The following GFOD2 variants were observed in gnomAD, a reference collection of about 807,000 sequenced individuals.
The protein encoded by GFOD2 is glucose-fructose oxidoreductase domain-containing protein 2.
GFOD2 carries 9 observed loss-of-function variants against 24.6 expected under a neutral mutation model. The ratio of observed to expected loss-of-function variants is 0.37; its 90% CI spans 0.22 to 0.64. The LOEUF (loss-of-function observed/expected upper bound fraction) is 0.64, where lower values mean the gene tolerates loss of function less well. GFOD2 is among the 30% of genes least tolerant of loss of function. The pLI is 0.65. For synonymous variants in GFOD2, 211 were observed against 224.8 expected (o/e 0.94, Z 0.55); for missense variants, 476 against 532.5 (o/e 0.89, Z 1.04).
intron 1 of GFOD2, among the ~76,000 whole-genome samples, chr16:67,705,353 A>T (rs753951702): frequency 6.6e-6 from 1 of 152,164 alleles, no homozygotes; most frequent in Admixed American, 6.5e-5. Context: ...GATTACAGGC[A>T]TGTGCCACCA....
intron 1 of GFOD2, among the ~76,000 whole-genome samples, chr16:67,692,310 G>A (rs888333456): frequency 1.7e-4 from 24 of 141,198 alleles, no homozygotes; most frequent in South Asian, 4.4e-4. Flanking sequence ...GGCTGAGTGC[G>A]GTGGCTCACG....
chr16:67,692,271 T>A (rs1186132711), intron 1 of GFOD2, among the ~76,000 whole-genome samples: 1 of 150,918 alleles, frequency 6.6e-6, no homozygotes, highest in Admixed American at 6.6e-5. Flanking sequence ...TCTAATACAT[T>A]ATTTATATAA....
intron 2 of GFOD2, chr16:67,676,714 T>A (rs75161153): frequency 6.6e-6 from 1 of 152,260 alleles, no homozygotes; most frequent in African/African-American, 2.4e-5. Context: ...GGCTAGAACA[T>A]GTTTGGCTCC....
chr16:67,696,319 CT>C (rs75590786), intron 1 of GFOD2, among the ~76,000 whole-genome samples: 3,495 of 133,538 alleles, frequency 0.026, 45 homozygotes, highest in Middle Eastern at 0.13. Context: ...GGCCGGGAAT[CT>C]TTTTTTTTTT....
chr16:67,684,829 G>C (rs983068244), intron 2 of GFOD2: 2 of 986,642 alleles, frequency 2.0e-6, no homozygotes, highest in African/African-American at 3.5e-5. Flanking sequence ...GGGAACTGTA[G>C]GAGAACAGCT....
chr16:67,703,279 T>G (rs1393614616), intron 1 of GFOD2, among the ~76,000 whole-genome samples: 1 of 152,150 alleles, frequency 6.6e-6, no homozygotes, highest in Non-Finnish European at 1.5e-5. Flanking sequence ...GGCGCATGCC[T>G]GTAATCCCAG....
At chr16:67,686,611 C>T (rs1490156281) in intron 1 of GFOD2, among the ~76,000 whole-genome samples, 2 of 151,898 alleles carry the variant, frequency 1.3e-5, no homozygotes, top group East Asian at 3.9e-4. Context: ...GGGCGGATCA[C>T]CTGAGGTAAG....
chr16:67,692,228 T>TAAA (rs58414730), intron 1 of GFOD2, among the ~76,000 whole-genome samples: 4 of 109,364 alleles, frequency 3.7e-5, no homozygotes, highest in African/African-American at 1.3e-4. Context: ...ATGAACTTGG[T>TAAA]AAAAAAAAAA....
intron 2 of GFOD2, 66 bp from the exon 3 acceptor site, chr16:67,676,119 C>G: frequency 6.8e-7 from 1 of 1,463,394 alleles, no homozygotes; most frequent in South Asian, 1.4e-5. Context: ...GTCCGCCTGC[C>G]CTGAGGATTT....
Position 67,675,170 on chromosome 16 carries a change from C to T in GFOD2, c.1143G>A (p.Gln381=). The change falls in exon 3 of 3, where the codon CAG becomes CAA. Residue 381 remains glutamine (Q), a synonymous_variant. Transcript: ENST00000268797. ...DTNQNLCEAL[Q]RNNL Reference sequence around the variant, plus strand: ...AGGTGCAGGCTCATAGGTTGTTCCGCTGAAGTGCCTCACACAGGTTCTGGT... The same window carrying T: ...AGGTGCAGGCTCATAGGTTGTTCCGTTGAAGTGCCTCACACAGGTTCTGGT... 2 of 1,612,682 alleles carry T rather than the reference C, an allele frequency of 1.2e-6. No individual in the cohort carries two copies. The highest frequency in any genetic ancestry group is 2.2e-5 in the South Asian group (2 of 90,884).
chr16:67,687,160 A>G (rs2053273262), intron 1 of GFOD2, among the ~76,000 whole-genome samples: 1 of 151,836 alleles, frequency 6.6e-6, no homozygotes, highest in Middle Eastern at 3.4e-3. Context: ...AAAAAAAAAA[A>G]AAAGAAAAGA....
intron 1 of GFOD2, among the ~76,000 whole-genome samples, chr16:67,693,285 G>GTTT (rs113766618): frequency 9.8e-5 from 14 of 143,026 alleles, no homozygotes; most frequent in Non-Finnish European, 2.0e-4. Flanking sequence ...GGCTTTTTGG[G>GTTT]TTTTTTTTTT....
chr16:67,690,944 C>A (rs1045538839), intron 1 of GFOD2, among the ~76,000 whole-genome samples: 3 of 152,252 alleles, frequency 2.0e-5, no homozygotes, highest in African/African-American at 7.2e-5. Context: ...CTCACTGCAA[C>A]CTCCGCCTCT....
intron 2 of GFOD2, chr16:67,682,886 A>C: frequency 3.2e-6 from 3 of 946,900 alleles, no homozygotes; most frequent in Non-Finnish European, 3.8e-6. Context: ...CACCAGAGTC[A>C]CCTGCAAGGC....
chr16:67,704,181 G>A (rs545060655), intron 1 of GFOD2, among the ~76,000 whole-genome samples: 3 of 152,226 alleles, frequency 2.0e-5, no homozygotes, highest in Non-Finnish European at 4.4e-5. Flanking sequence ...TTTTGACCCC[G>A]AGTTCAGTAC....
chr16:67,714,953 T>C (rs1007341677), intron 1 of GFOD2, among the ~76,000 whole-genome samples: 1 of 152,234 alleles, frequency 6.6e-6, no homozygotes, highest in Non-Finnish European at 1.5e-5. Context: ...TTGCAATTCC[T>C]TTCTAAGAGC....
At chr16:67,687,617 G>C (rs1407885442) in intron 1 of GFOD2, among the ~76,000 whole-genome samples, 2 of 146,962 alleles carry the variant, frequency 1.4e-5, no homozygotes, top group African/African-American at 5.0e-5. Context: ...CTCCAGCCTG[G>C]GCGACAGAGC....
intron 1 of GFOD2, among the ~76,000 whole-genome samples, chr16:67,710,283 G>A (rs548248247): frequency 1.8e-4 from 27 of 151,716 alleles, no homozygotes; most frequent in South Asian, 6.2e-4. Context: ...GAGCCACCAC[G>A]CCAGCCCTGT....
chr16:67,699,788 T>C (rs1324057800), intron 1 of GFOD2, among the ~76,000 whole-genome samples: 1 of 150,064 alleles, frequency 6.7e-6, no homozygotes, highest in African/African-American at 2.5e-5. Flanking sequence ...CCAGCCTGGA[T>C]AGCAAAATGT....
Sources: gnomAD v4.1 joint callset for allele counts (sites outside exome capture counted in the v4.1 genomes callset) on GRCh38, gnomAD v4.1.1 for gene constraint, MANE v1.5 for transcripts, NCBI Gene and HGNC (gene_info 2026-07-23, HGNC 2026-07-21) for gene names.